PTPDC1: variants seen among roughly 807,000 people sequenced by gnomAD.
PTPDC1 encodes protein tyrosine phosphatase domain containing 1, also known as protein tyrosine phosphatase domain-containing protein 1.
A neutral mutation model predicts 75.3 loss-of-function variants in PTPDC1; 53 were observed. That is an observed-to-expected ratio of 0.70 (90% CI 0.56 to 0.88). The LOEUF is 0.88. PTPDC1 is among the 40% of genes least tolerant of loss of function. The probability of loss-of-function intolerance (pLI) is 0.00; values close to 1 mark genes in which losing one functional copy is unlikely to be tolerated. For missense variants in PTPDC1, 925 were observed against 998.6 expected, an observed-to-expected ratio of 0.93 and a Z score of 0.99; for synonymous variants, 349 against 366.2, an observed-to-expected ratio of 0.95 and a Z score of 0.54.
Position 94,097,826 on chromosome 9 carries a change from G to A in PTPDC1, c.1260G>A (p.Glu420=), listed in dbSNP as rs779024873. The A allele has an allele frequency of 2.5e-6, 4 of 1,614,180 alleles. No individual in the cohort carries two copies. The highest frequency in any genetic ancestry group is 3.4e-6 in the Non-Finnish European group (4 of 1,180,040). ...FDNRGMIFSN[E]QQFDPLWKRR... ...ATCGAGGCATGATTTTCTCCAATGAGCAACAGTTTGACCCTCTTTGGAAAA... is the reference window on the plus strand; with the variant it reads ...ATCGAGGCATGATTTTCTCCAATGAACAACAGTTTGACCCTCTTTGGAAAA... The change falls in exon 6 of 9, where the codon GAG becomes GAA. Residue 420 remains glutamate (E), a synonymous_variant. Transcript: ENST00000620992.
chr9:94,038,473 G>T (rs531332075), intron 1 of PTPDC1: 5 of 270,650 alleles, frequency 1.8e-5, no homozygotes, highest in Non-Finnish European at 3.5e-5. Flanking sequence ...GGGCCGTCCT[G>T]ATTTAAAACT....
intron 4 of PTPDC1, among the ~76,000 whole-genome samples, chr9:94,094,661 C>T (rs1490043436): frequency 1.3e-5 from 2 of 152,158 alleles, no homozygotes; most frequent in Non-Finnish European, 1.5e-5. Context: ...CAATGGCGGG[C>T]ACCCCTCCCC....
chr9:94,046,800 AT>A (rs1825613259), intron 1 of PTPDC1, among the ~76,000 whole-genome samples: 1 of 152,132 alleles, frequency 6.6e-6, no homozygotes, highest in South Asian at 2.1e-4. Context: ...AACAGGGACA[AT>A]TTGACTTCCT....
chr9:94,092,552 T>G (rs1225354324), intron 4 of PTPDC1, among the ~76,000 whole-genome samples: 14 of 151,896 alleles, frequency 9.2e-5, no homozygotes, highest in African/African-American at 3.4e-4. Context: ...GAAAAAAATG[T>G]ATATTCTGTT....
chr9:94,076,052 T>G (rs1826674206), intron 2 of PTPDC1, among the ~76,000 whole-genome samples: 1 of 152,158 alleles, frequency 6.6e-6, no homozygotes, highest in Non-Finnish European at 1.5e-5. Flanking sequence ...CAGGCTGCAG[T>G]GCAGTGGCAT....
chr9:94,052,260 A>G (rs1184406558), intron 1 of PTPDC1, among the ~76,000 whole-genome samples: 1 of 152,126 alleles, frequency 6.6e-6, no homozygotes, highest in Non-Finnish European at 1.5e-5. Context: ...GGTATTTTTC[A>G]AATATTTCCA....
In PTPDC1 at chr9:94,085,292, G is replaced by A. The variant is rs1161453284; in HGVS notation, c.286G>A (p.Glu96Lys). Residue 96 changes from glutamate to lysine, a missense_variant, in exon 2 of 9, where the codon GAG (glutamate) becomes AAG (lysine). Coordinates refer to ENST00000620992, the MANE Select transcript of PTPDC1 (RefSeq NM_001253829.2). ...RPTPKYTKVG[E>K]RLRHVIPGHM... ...AACACCAAAGTACACAAAAGTAGGG[G>A]AGCGTTTACGGCATGTCATTCCTGG... is the stretch of plus-strand genomic sequence containing the variant. 2 of 1,614,066 alleles carry A rather than the reference G, an allele frequency of 1.2e-6. No individual in the cohort carries two copies. Among genetic ancestry groups the A allele is most frequent in the Non-Finnish European group, 1.7e-6 (2 of 1,180,018 alleles).
Position 94,095,342 on chromosome 9 carries a change from G to A in PTPDC1, c.642G>A (p.Lys214=). The part of the protein sequence containing the change: ...AGIYFYNFGW[K]DYGVASLTTI... ...TTTACTTCTACAATTTCGGATGGAA[G>A]GATTATGGTGTAGCGTCTCTTACTA... The change falls in exon 5 of 9, where the codon AAG becomes AAA. Residue 214 remains lysine (K), a synonymous_variant. Coordinates refer to ENST00000620992, the MANE Select transcript of PTPDC1 (RefSeq NM_001253829.2). The A allele has an allele frequency of 6.2e-7, 1 of 1,607,330 alleles. No individual in the cohort carries two copies. The highest frequency in any genetic ancestry group is 1.1e-5 in the South Asian group (1 of 89,170).
At chr9:94,055,102 A>G (rs1825893967) in intron 1 of PTPDC1, among the ~76,000 whole-genome samples, 1 of 152,220 alleles carries the variant, frequency 6.6e-6, no homozygotes, top group African/African-American at 2.4e-5. Context: ...ATTTAAAACT[A>G]TTTTTGTAAA....
rs1435281972 is a variant in PTPDC1 at position 94,097,616 on chromosome 9, G to T, written c.1050G>T (p.Leu350=). Residue 350 remains leucine, a synonymous_variant, in exon 6 of 9, where the codon CTG becomes CTT. Transcript: ENST00000620992. Reference sequence around the variant, plus strand: ...TTATCCACCTAGTTTGCAAATTGCTGCTGGACTTAGCGGAGAACAGGCCAG... The same window carrying T: ...TTATCCACCTAGTTTGCAAATTGCTTCTGGACTTAGCGGAGAACAGGCCAG... ...PKIIHLVCKL[L]LDLAENRPVM... 1.9e-6 allele frequency: 3 copies of T among 1,613,994 alleles called. No individual in the cohort carries two copies. Among genetic ancestry groups the T allele is most frequent in the Non-Finnish European group, 2.5e-6 (3 of 1,180,042 alleles).
chr9:94,095,771 CAT>C (rs1564032145), intron 5 of PTPDC1, among the ~76,000 whole-genome samples: 1 of 151,870 alleles, frequency 6.6e-6, no homozygotes, highest in African/African-American at 2.4e-5. Flanking sequence ...CTATATACCC[CAT>C]AGATATGTAT....
chr9:94,088,033 AT>A (rs1200641188), intron 3 of PTPDC1, 111 bp from the exon 4 acceptor site: 4 of 1,466,628 alleles, frequency 2.7e-6, no homozygotes, highest in Non-Finnish European at 3.8e-6. Flanking sequence ...TGTATTTCAA[AT>A]GAGAAATTAA....
Position 94,098,319 on chromosome 9 carries a change from G to T in PTPDC1, c.1753G>T (p.Gly585Cys). Residue 585 changes from glycine (G) to cysteine (C), a missense_variant, in exon 6 of 9, where the codon GGT becomes TGT. Physicochemically the swap from Gly to Cys is radical, Grantham distance 159 (BLOSUM62 -3). Transcript: ENST00000620992. The stretch of plus-strand genomic sequence containing the variant: ...GTCTCACTGTCAGTGTAAAACTCAT[G>T]GTGTTGGGAGCCCTGGCTCTGTCAG... ...QVSHCQCKTH[G>C]VGSPGSVRQN... is the part of the protein sequence containing the mutation. 6.2e-7 allele frequency: 1 copy of T among 1,614,208 alleles called. No homozygotes were observed. Among genetic ancestry groups the T allele is most frequent in the Non-Finnish European group, 8.5e-7 (1 of 1,180,040 alleles).
chr9:94,088,860 A>G (rs1191940861), intron 4 of PTPDC1, among the ~76,000 whole-genome samples: 1 of 152,210 alleles, frequency 6.6e-6, no homozygotes, highest in African/African-American at 2.4e-5. Flanking sequence ...TACACTAGAT[A>G]GAAAATCCAT....
intron 8 of PTPDC1, 102 bp downstream of exon 8, chr9:94,104,487 ATGTG>A: frequency 2.9e-6 from 2 of 683,734 alleles, no homozygotes; most frequent in Non-Finnish European, 5.1e-6. Flanking sequence ...TAAAACATGT[ATGTG>A]TATGTTTTCC....
intron 1 of PTPDC1, among the ~76,000 whole-genome samples, chr9:94,034,892 A>G (rs771319420): frequency 1.8e-4 from 27 of 152,192 alleles, no homozygotes; most frequent in Non-Finnish European, 1.9e-4. Flanking sequence ...GTTTAATTCA[A>G]TGTGGAATAA....
intron 1 of PTPDC1, among the ~76,000 whole-genome samples, chr9:94,045,594 G>C (rs1338389942): frequency 1.3e-5 from 2 of 152,214 alleles, no homozygotes; most frequent in East Asian, 3.8e-4. Flanking sequence ...CTGATGGCCA[G>C]TGATGATGAG....
At chr9:94,103,501 G>C (rs1014224872) in intron 7 of PTPDC1, among the ~76,000 whole-genome samples, 1 of 152,040 alleles carries the variant, frequency 6.6e-6, no homozygotes, top group African/African-American at 2.4e-5. Flanking sequence ...ATTCACCCTC[G>C]GGCAATTCAC....
In PTPDC1 at chr9:94,108,599, G is replaced by A. The variant is rs562834893; in HGVS notation, c.*655G>A. 1 of 152,320 alleles carries A rather than the reference G, an allele frequency of 6.6e-6. No individual in the cohort carries two copies. Among genetic ancestry groups the A allele is most frequent in the South Asian group, 2.1e-4 (1 of 4,826 alleles). The allele number at this position is 152,320 out of a possible 1,614,324, so 9.4% of individuals were successfully genotyped here. A position where few individuals can be genotyped will look rare whatever the true frequency, so the allele number is the denominator to read the frequency against. ...AAGTGGTTGGGATTTTTTGCTTGTAGAAAGTAGACTTGCTCTTTGTCAGAT... is the reference window on the plus strand; with the variant it reads ...AAGTGGTTGGGATTTTTTGCTTGTAAAAAGTAGACTTGCTCTTTGTCAGAT... On this transcript the variant is annotated 3_prime_UTR_variant, in exon 9 of 9. Transcript: ENST00000620992.
Sources: gnomAD v4.1 joint callset for allele counts (sites outside exome capture counted in the v4.1 genomes callset) on GRCh38, gnomAD v4.1.1 for gene constraint, MANE v1.5 for transcripts, NCBI Gene and HGNC (gene_info 2026-07-23, HGNC 2026-07-21) for gene names.